The following ITGA9 variants were observed in gnomAD, a reference collection of about 807,000 sequenced individuals.
ITGA9 encodes the protein integrin subunit alpha 9, also known as integrin alpha-9.
Under a neutral mutation model 127.8 loss-of-function variants are expected in ITGA9, and 56 were observed. That is an observed-to-expected ratio of 0.44 (90% confidence interval 0.35 to 0.55). The LOEUF (loss-of-function observed/expected upper bound fraction) is 0.55. ITGA9 is among the 20% of genes least tolerant of loss of function. ITGA9 has a pLI of 0.00. For synonymous variants in ITGA9, 508 were observed against 514.5 expected, an observed-to-expected ratio of 0.99 and a Z score of 0.17; for missense variants, 1,196 against 1,347.1, an observed-to-expected ratio of 0.89 and a Z score of 1.76.
intron 15 of ITGA9, among the ~76,000 whole-genome samples, chr3:37,602,284 A>G (rs570703316): frequency 4.5e-4 from 68 of 152,318 alleles, no homozygotes; most frequent in African/African-American, 1.5e-3. Context: ...AAACAAAAAA[A>G]AAATGTTTGT....
chr3:37,658,127 A>C (rs989500881), intron 17 of ITGA9, among the ~76,000 whole-genome samples: 1 of 152,156 alleles, frequency 6.6e-6, no homozygotes, highest in African/African-American at 2.4e-5. Flanking sequence ...TCAATTTTAG[A>C]ATAAGTGTGA....
chr3:37,687,171 G>A (rs888509987), intron 18 of ITGA9, among the ~76,000 whole-genome samples: 8 of 152,178 alleles, frequency 5.3e-5, no homozygotes, highest in Admixed American at 3.9e-4. Flanking sequence ...ACAATAGACT[G>A]TATGAAAATG....
intron 20 of ITGA9, among the ~76,000 whole-genome samples, chr3:37,739,761 G>A (rs1696409947): frequency 1.3e-5 from 2 of 152,174 alleles, no homozygotes; most frequent in Admixed American, 6.5e-5. Context: ...CAGATGAGAC[G>A]GTTGGGCCTG....
intron 15 of ITGA9, among the ~76,000 whole-genome samples, chr3:37,626,112 C>T (rs1359174207): frequency 1.3e-5 from 2 of 152,146 alleles, no homozygotes; most frequent in African/African-American, 4.8e-5. Context: ...TTACTTCAAG[C>T]CCCTATTTCT....
intron 19 of ITGA9, 38 bp from the exon 20 acceptor site, chr3:37,736,866 T>A: frequency 7.5e-7 from 1 of 1,340,366 alleles, no homozygotes; most frequent in Non-Finnish European, 1.1e-6. Flanking sequence ...AAGTTTGGAA[T>A]GCCTGCTGAT....
Position 37,494,549 on chromosome 3 carries a change from T to C in ITGA9, c.593T>C (p.Ile198Thr), listed in dbSNP as rs1053697714. 2 of 1,613,924 alleles carry C rather than the reference T, an allele frequency of 1.2e-6. No homozygotes were observed. Among genetic ancestry groups the C allele is most frequent in the Non-Finnish European group, 1.7e-6 (2 of 1,179,794 alleles). Reference protein sequence around the residue: ...GEEHGSCQAGIAGFFTEELVV... With the variant: ...GEEHGSCQAGTAGFFTEELVV... ...GAACACGGCTCCTGCCAGGCTGGGATAGCGGGCTTCTTCACCGAGGTGGGT... is the reference window on the plus strand; with the variant it reads ...GAACACGGCTCCTGCCAGGCTGGGACAGCGGGCTTCTTCACCGAGGTGGGT... Residue 198 changes from isoleucine to threonine, a missense_variant, in exon 5 of 28, where the codon ATA becomes ACA. Transcript: ENST00000264741.
intron 15 of ITGA9, among the ~76,000 whole-genome samples, chr3:37,611,226 G>A (rs1429931626): frequency 1.3e-5 from 2 of 152,224 alleles, no homozygotes; most frequent in African/African-American, 2.4e-5. Context: ...GACATGCTGA[G>A]ATGAGTGTGA....
intron 1 of ITGA9, among the ~76,000 whole-genome samples, chr3:37,456,692 C>CT (rs1698262526): frequency 6.6e-6 from 1 of 152,174 alleles, no homozygotes; most frequent in South Asian, 2.1e-4. Context: ...ATGTGCTGGG[C>CT]TTTTTGCTTT....
At position 37,506,029 on chromosome 3, in the gene ITGA9, C is replaced by T. The variant is rs773987544; in HGVS notation, c.772C>T (p.His258Tyr). 3 of 1,609,662 alleles carry T rather than the reference C, an allele frequency of 1.9e-6. No homozygotes were observed. The highest frequency in any genetic ancestry group is 2.5e-6 in the Non-Finnish European group (3 of 1,178,210). ...CGCAGTGACCGCTGGCCACTTCTCT[C>T]ACCCGTCCACCATTGATGTGGTAGG... ...GYAVTAGHFSHPSTIDVVGGA... is the reference protein window; with the variant it reads ...GYAVTAGHFSYPSTIDVVGGA... Residue 258 changes from histidine to tyrosine, a missense_variant, in exon 7 of 28, where the codon CAC (histidine) becomes TAC (tyrosine). Physicochemically the swap from His to Tyr is moderately conservative, Grantham distance 83. Transcript: ENST00000264741.
intron 15 of ITGA9, among the ~76,000 whole-genome samples, chr3:37,612,525 G>A (rs1240658759): frequency 6.6e-6 from 1 of 152,024 alleles, no homozygotes; most frequent in Non-Finnish European, 1.5e-5. Flanking sequence ...ATACTTTTGT[G>A]GTTTGATGCC....
intron 18 of ITGA9, among the ~76,000 whole-genome samples, chr3:37,703,634 A>G (rs773411991): frequency 5.9e-5 from 9 of 152,226 alleles, no homozygotes; most frequent in Non-Finnish European, 1.2e-4. Context: ...TTTTGGTGTC[A>G]GATTTCTGCT....
chr3:37,725,634 A>T (rs1383410837), intron 18 of ITGA9, among the ~76,000 whole-genome samples: 2 of 152,220 alleles, frequency 1.3e-5, no homozygotes, highest in East Asian at 3.8e-4. Flanking sequence ...TTTCCTCCTC[A>T]TAAAAATGGA....
intron 15 of ITGA9, among the ~76,000 whole-genome samples, chr3:37,544,674 G>C (rs1333062591): frequency 1.3e-5 from 2 of 152,088 alleles, no homozygotes; most frequent in Admixed American, 6.5e-5. Context: ...TGATTATTTT[G>C]GTCATTCTAG....
At chr3:37,553,285 T>C (rs975244496) in intron 15 of ITGA9, among the ~76,000 whole-genome samples, 1 of 152,230 alleles carries the variant, frequency 6.6e-6, no homozygotes, top group African/African-American at 2.4e-5. Context: ...AATTAAGTGA[T>C]ACATTACTGT....
At chr3:37,498,857 G>C (rs1251509484) in intron 5 of ITGA9, among the ~76,000 whole-genome samples, 1 of 152,200 alleles carries the variant, frequency 6.6e-6, no homozygotes, top group Non-Finnish European at 1.5e-5. Context: ...AAGTTCAGCT[G>C]TTTGTGGCTG....
chr3:37,559,883 A>G (rs1699468909), intron 15 of ITGA9, among the ~76,000 whole-genome samples: 1 of 152,210 alleles, frequency 6.6e-6, no homozygotes, highest in South Asian at 2.1e-4. Context: ...TGTTGTCCCT[A>G]CAGTGGAAAC....
At chr3:37,765,270 T>G (rs1696767466) in intron 23 of ITGA9, among the ~76,000 whole-genome samples, 1 of 152,236 alleles carries the variant, frequency 6.6e-6, no homozygotes, top group East Asian at 1.9e-4. Flanking sequence ...AGAGGTTGCC[T>G]TAATTTCAAT....
intron 15 of ITGA9, among the ~76,000 whole-genome samples, chr3:37,617,515 G>C (rs1194878206): frequency 6.6e-6 from 1 of 152,164 alleles, no homozygotes; most frequent in Non-Finnish European, 1.5e-5. Flanking sequence ...GGCCTGCCTT[G>C]CTAGACTGGG....
intron 18 of ITGA9, among the ~76,000 whole-genome samples, chr3:37,730,407 G>T (rs1049780904): frequency 2.0e-5 from 3 of 152,210 alleles, no homozygotes; most frequent in Non-Finnish European, 4.4e-5. Flanking sequence ...GGTAGGGAAA[G>T]GCCATCTATG....
Sources: gnomAD v4.1 joint callset for allele counts (sites outside exome capture counted in the v4.1 genomes callset) on GRCh38, gnomAD v4.1.1 for gene constraint, MANE v1.5 for transcripts, NCBI Gene and HGNC (gene_info 2026-07-23, HGNC 2026-07-21) for gene names.